The following DOCK7 variants were observed in gnomAD, a reference collection of about 807,000 sequenced individuals.
DOCK7 encodes the protein dedicator of cytokinesis protein 7.
Under a neutral mutation model 271.0 loss-of-function variants are expected in DOCK7, and 138 were observed. That is an observed-to-expected ratio of 0.51 (90% CI 0.44 to 0.59). DOCK7 has a LOEUF of 0.59. Among genes scored for constraint, DOCK7 ranks in the 20% least tolerant of loss-of-function variants. The pLI is 0.00. For synonymous variants in DOCK7, 823 were observed against 876.1 expected (o/e 0.94, Z 1.07); for missense variants, 2,066 against 2,592.4 (o/e 0.80, Z 4.41).
intron 14 of DOCK7, among the ~76,000 whole-genome samples, chr1:62,596,743 G>A (rs1451062236): frequency 6.6e-6 from 1 of 152,102 alleles, no homozygotes; most frequent in Non-Finnish European, 1.5e-5. Flanking sequence ...TGGGCAAGCT[G>A]CTTGTGACAT....
intron 14 of DOCK7, chr1:62,604,454 A>T: frequency 1.1e-6 from 1 of 901,512 alleles, no homozygotes; most frequent in Non-Finnish European, 1.7e-6. Context: ...TTGGTAGTGT[A>T]TAGATTATTT....
chr1:62,648,376 A>T, intron 5 of DOCK7, 39 bp downstream of exon 5: 1 of 1,444,532 alleles, frequency 6.9e-7, no homozygotes, highest in Non-Finnish European at 9.1e-7. Context: ...AACTATTTTT[A>T]AATAACTTCT....
At chr1:62,561,564 T>G in intron 19 of DOCK7, 53 bp downstream of exon 19, 1 of 1,155,446 alleles carries the variant, frequency 8.7e-7, no homozygotes. Flanking sequence ...GTATTAGATA[T>G]TACGTTCAAT....
intron 11 of DOCK7, chr1:62,629,676 G>A (rs1654382174): frequency 6.6e-6 from 1 of 152,166 alleles, no homozygotes; most frequent in African/African-American, 2.4e-5. Flanking sequence ...GCAGAACCCT[G>A]TGAATATACC....
chr1:62,520,558 A>G (rs1255831434), intron 31 of DOCK7, among the ~76,000 whole-genome samples: 2 of 152,358 alleles, frequency 1.3e-5, no homozygotes, highest in Middle Eastern at 3.4e-3. Flanking sequence ...ATACCATACC[A>G]TCTCACACCA....
At chr1:62,592,409 T>C (rs895009967) in intron 14 of DOCK7, among the ~76,000 whole-genome samples, 1 of 152,110 alleles carries the variant, frequency 6.6e-6, no homozygotes, top group African/African-American at 2.4e-5. Flanking sequence ...CCGGATTTTA[T>C]AGGTGAGAAA....
At chr1:62,508,479 A>T (rs1168042) in intron 34 of DOCK7, among the ~76,000 whole-genome samples, 88,755 of 152,044 alleles carry the variant, frequency 0.58, 27,565 homozygotes, top group East Asian at 0.76. Flanking sequence ...AATGTACTTA[A>T]TTTGTCTAAG....
Position 62,630,101 on chromosome 1 carries a change from C to T in DOCK7, c.1282+1139G>A, listed in dbSNP as rs905006434. On this transcript the variant is annotated intron_variant, in intron 11 of 49. Transcript: ENST00000635253. ...CTATGGTCTAAAAAGAATGTGTATTCGGAGTTCCGAGCTAAGGAACCTGGG... is the reference window on the plus strand; with the variant it reads ...CTATGGTCTAAAAAGAATGTGTATTTGGAGTTCCGAGCTAAGGAACCTGGG... Among the ~76,000 whole-genome samples, 15 of 152,220 alleles carry T rather than the reference C, an allele frequency of 9.9e-5. 1 individual carries two copies. The highest frequency in any genetic ancestry group is 3.9e-4 in the East Asian group (2 of 5,178).
chr1:62,494,280 A>G lies in DOCK7; in HGVS notation c.5212T>C (p.Phe1738Leu). 1 of 1,580,664 alleles carries G rather than the reference A, an allele frequency of 6.3e-7. No individual in the cohort carries two copies. Among genetic ancestry groups the G allele is most frequent in the Non-Finnish European group, 8.7e-7 (1 of 1,155,258 alleles). The change falls in exon 40 of 50, where the codon TTT becomes CTT. Residue 1738 changes from phenylalanine (F) to leucine (L), a missense_variant. Transcript: ENST00000635253. ...TACATCTGGAAGATTCCTACCTGAA[A>G]TGTTACACATCCCACAGGAAGATAT... ...RKYLPVGCVT[F>L]QNISSNVLEE...
chr1:62,617,005 C>T (rs1652519431), intron 14 of DOCK7, among the ~76,000 whole-genome samples: 1 of 151,008 alleles, frequency 6.6e-6, no homozygotes, highest in Non-Finnish European at 1.5e-5. Flanking sequence ...GAAAATTTAC[C>T]TCCCACACAT....
chr1:62,599,796 A>G (rs1229985074), intron 14 of DOCK7, among the ~76,000 whole-genome samples: 1 of 152,050 alleles, frequency 6.6e-6, no homozygotes, highest in Non-Finnish European at 1.5e-5. Flanking sequence ...AATGTAATTA[A>G]TCTACAATGT....
At chr1:62,479,462 C>T (rs992686607) in intron 43 of DOCK7, among the ~76,000 whole-genome samples, 4 of 151,910 alleles carry the variant, frequency 2.6e-5, no homozygotes, top group Admixed American at 2.6e-4. Flanking sequence ...CAAATTAATC[C>T]ATCTATATAG....
Position 62,637,923 on chromosome 1 carries a change from TC to T in DOCK7, c.819-1321del, listed in dbSNP as rs201195143. 8.2e-3 allele frequency among the ~76,000 whole-genome samples: 1,251 copies of T among 152,256 alleles called. 5 individuals carry two copies. Among genetic ancestry groups the T allele is most frequent in the Non-Finnish European group, 0.013 (862 of 68,020 alleles). ...GGGAACTCTCTTCTACCCTCTAACT[TC>T]CTGCTGATACATCCCTTAGTAAAAC... On this transcript the variant is annotated intron_variant, in intron 7 of 49. Coordinates refer to ENST00000635253, the MANE Select transcript of DOCK7 (RefSeq NM_001367561.1).
Position 62,535,543 on chromosome 1 carries a change from T to C in DOCK7, c.3561A>G (p.Ala1187=). ...SVPFRQQHYL[A]GLVLTELAVI... ...CAGCCAGCTCTGTTAACACAAGTCC[T>C]GCCAAATAATGCTGTTGGCGGAAAG... Residue 1187 remains alanine (A), a synonymous_variant, in exon 29 of 50, where the codon GCA becomes GCG. Transcript: ENST00000635253. The C allele has an allele frequency of 6.2e-7, 1 of 1,614,092 alleles. No homozygotes were observed. Among genetic ancestry groups the C allele is most frequent in the Non-Finnish European group, 8.5e-7 (1 of 1,179,970 alleles).
chr1:62,687,375 A>C (rs1440862445), intron 1 of DOCK7, among the ~76,000 whole-genome samples: 1 of 152,210 alleles, frequency 6.6e-6, no homozygotes, highest in Non-Finnish European at 1.5e-5. Flanking sequence ...CCTCCACCTC[A>C]ATCACTTGCT....
intron 16 of DOCK7, among the ~76,000 whole-genome samples, chr1:62,580,364 C>T (rs1426277828): frequency 6.6e-6 from 1 of 152,116 alleles, no homozygotes; most frequent in Admixed American, 6.6e-5. Context: ...CACCAAATCA[C>T]CACTGAATTA....
intron 29 of DOCK7, among the ~76,000 whole-genome samples, chr1:62,535,237 C>T (rs1378088354): frequency 6.6e-6 from 1 of 152,028 alleles, no homozygotes; most frequent in Non-Finnish European, 1.5e-5. Context: ...AGAAAAAGAA[C>T]ACTACTAAAT....
intron 49 of DOCK7, among the ~76,000 whole-genome samples, chr1:62,455,691 C>T (rs1645327564): frequency 1.3e-5 from 2 of 152,154 alleles, no homozygotes; most frequent in Admixed American, 6.5e-5. Context: ...GTTTGTCTGA[C>T]TGATGCTGCA....
rs545784587 is a variant in DOCK7, at chr1:62,673,902, G to A, written c.39-10772C>T. ...ACCTTGTACTGGAAGAGGGAGGGAG[G>A]GAAGGAAGGAGAGAGGAAGGAAAAG... On this transcript the variant is annotated intron_variant, in intron 1 of 49. Transcript: ENST00000635253. Among the ~76,000 whole-genome samples the A allele has an allele frequency of 6.0e-5, 9 of 150,620 alleles. No individual in the cohort carries two copies. The South Asian group carries it at 1.9e-3, about 32-fold the overall frequency.
Sources: gnomAD v4.1 joint callset for allele counts (sites outside exome capture counted in the v4.1 genomes callset) on GRCh38, gnomAD v4.1.1 for gene constraint, MANE v1.5 for transcripts, NCBI Gene and HGNC (gene_info 2026-07-23, HGNC 2026-07-21) for gene names.